MACF1: variants seen among roughly 807,000 people sequenced by gnomAD.
MACF1 encodes the protein microtubule-actin cross-linking factor 1.
MACF1 carries 193 observed loss-of-function variants against 854.8 expected under a neutral mutation model. The observed-to-expected ratio is 0.23, with a 90% CI of 0.20 to 0.25. The LOEUF (loss-of-function observed/expected upper bound fraction) is 0.25. Ranked by LOEUF, MACF1 falls within the 10% of genes least tolerant of loss-of-function variation. The probability of loss-of-function intolerance (pLI) is 1.00; values close to 1 mark genes in which losing one functional copy is unlikely to be tolerated. For missense variants in MACF1, 7,722 were observed against 8,929.1 expected, an observed-to-expected ratio of 0.86 and a Z score of 5.45; for synonymous variants, 3,185 against 3,226.7, an observed-to-expected ratio of 0.99 and a Z score of 0.44.
chr1:39,438,034 A>T (rs753143753), intron 71 of MACF1, 26 bp downstream of exon 71: 1 of 1,591,120 alleles, frequency 6.3e-7, no homozygotes, highest in Non-Finnish European at 8.6e-7. Flanking sequence ...CATTATTTTT[A>T]AAAATCAACA....
Position 39,331,815 on chromosome 1 carries a change from G to T in MACF1, c.5227G>T (p.Gly1743Cys). The T allele has an allele frequency of 6.2e-7, 1 of 1,614,140 alleles. No homozygotes were observed. The highest frequency in any genetic ancestry group is 8.5e-7 in the Non-Finnish European group (1 of 1,180,026). ...LAGGMVSLKS[G>C]RKVSIFRAVQ... Reference sequence around the variant, plus strand: ...AGGGGGGATGGTGAGCTTGAAATCAGGCCGGAAGGTTAGCATTTTCCGTGC... The same window carrying T: ...AGGGGGGATGGTGAGCTTGAAATCATGCCGGAAGGTTAGCATTTTCCGTGC... The change falls in exon 37 of 101, where the codon GGC (glycine) becomes TGC (cysteine). Residue 1743 changes from glycine (G) to cysteine (C), a missense_variant. By Grantham distance (159) the Gly-to-Cys change is radical. Transcript: ENST00000564288.
At chr1:39,197,162 T>G (rs1644330196) in intron 2 of MACF1, among the ~76,000 whole-genome samples, 1 of 151,980 alleles carries the variant, frequency 6.6e-6, no homozygotes. Flanking sequence ...AGTGAAAAAA[T>G]TATTTTATTT....
intron 97 of MACF1, among the ~76,000 whole-genome samples, chr1:39,477,213 T>A (rs898476872): frequency 6.7e-6 from 1 of 148,520 alleles, no homozygotes; most frequent in Non-Finnish European, 1.5e-5. Flanking sequence ...GTTGTGAGAT[T>A]AAGCGACTTT....
intron 49 of MACF1, among the ~76,000 whole-genome samples, chr1:39,363,606 T>TTCTTTC (rs1231203854): frequency 7.1e-6 from 1 of 140,474 alleles, no homozygotes. Context: ...CTTTCTTTCT[T>TTCTTTC]TTTTTTTTTT....
At chr1:39,186,170 A>ATCTCTCTCTCTCTCTCTCTC (rs55658204) in intron 2 of MACF1, among the ~76,000 whole-genome samples, 41 of 109,958 alleles carry the variant, frequency 3.7e-4, no homozygotes, top group Admixed American at 1.1e-3. Flanking sequence ...GATTCTGAAC[A>ATCTCTCTCTCTCTCTCTCTC]TCTCTCTCTC....
intron 2 of MACF1, among the ~76,000 whole-genome samples, chr1:39,181,571 G>A (rs1363353908): frequency 6.6e-6 from 1 of 151,958 alleles, no homozygotes; most frequent in Non-Finnish European, 1.5e-5. Flanking sequence ...TGAAATTCAT[G>A]TGAAAATGCA....
At chr1:39,429,367 A>C in intron 64 of MACF1, 41 bp downstream of exon 64, 7 of 1,126,856 alleles carry the variant, frequency 6.2e-6, no homozygotes, top group East Asian at 2.4e-5. Flanking sequence ...CTATGGTCTC[A>C]AAGACAATTA....
intron 43 of MACF1, among the ~76,000 whole-genome samples, 167 bp from the exon 44 acceptor site, chr1:39,352,840 A>T (rs1308023286): frequency 6.6e-6 from 1 of 152,058 alleles, no homozygotes; most frequent in Admixed American, 6.6e-5. Flanking sequence ...TAATTTTTCA[A>T]AAGATTTTAA....
At position 39,233,808 on chromosome 1, in the gene MACF1, T is replaced by TTTTTTTTTTTTTTTTTTTTTA. The variant is rs755591226; in HGVS notation, c.171+2565_171+2566insTTTTTTTTTTTTTTTTTTTTA. 6.1e-5 allele frequency among the ~76,000 whole-genome samples: 4 copies of TTTTTTTTTTTTTTTTTTTTTA among 65,854 alleles called. 2 individuals are homozygous for TTTTTTTTTTTTTTTTTTTTTA. The highest frequency in any genetic ancestry group is 1.3e-4 in the Non-Finnish European group (4 of 30,150). 43.2% of individuals were successfully genotyped at this position (65,854 alleles called of 152,430 possible). A position where few individuals can be genotyped will look rare whatever the true frequency, so the allele number is the denominator to read the frequency against. On this transcript the variant is annotated intron_variant, in intron 2 of 100. Transcript: ENST00000564288. ...TTTTTTTTTTTTTTTATTTATTTTT[T>TTTTTTTTTTTTTTTTTTTTTA]ATTGATAATTCTTGGGTGTTTCTCA...
In MACF1 at chr1:39,333,299, G is replaced by C; in HGVS notation, c.6711G>C (p.Lys2237Asn). The change falls in exon 37 of 101, where the codon AAG becomes AAC. Residue 2237 changes from lysine (K) to asparagine (N), a missense_variant. Physicochemically the swap from Lys to Asn is moderately conservative, Grantham distance 94 (BLOSUM62 0). Around this residue, in one of 15 missense-constraint regions of MACF1, gnomAD observed 1,531 missense variants for 1,601.6 expected, o/e 0.96. Coordinates refer to ENST00000564288, the MANE Select transcript of MACF1 (RefSeq NM_001394062.1). Reference sequence around the variant, plus strand: ...TGTTAAAGAAAACATTTCTGGCTAAGGATGACCATAAAGAAAGTCAAGAAG... The same window carrying C: ...TGTTAAAGAAAACATTTCTGGCTAACGATGACCATAAAGAAAGTCAAGAAG... ...KEMLKKTFLA[K>N]DDHKESQEAQ... 6.2e-7 allele frequency: 1 copy of C among 1,614,108 alleles called. No individual in the cohort carries two copies. The highest frequency in any genetic ancestry group is 8.5e-7 in the Non-Finnish European group (1 of 1,180,034).
At chr1:39,158,117 G>T (rs779452974) in intron 2 of MACF1, among the ~76,000 whole-genome samples, 1 of 152,148 alleles carries the variant, frequency 6.6e-6, no homozygotes, top group Non-Finnish European at 1.5e-5. Context: ...TATTGGGATG[G>T]TCATCTTTTT....
Position 39,442,176 on chromosome 1 carries a change from A to G in MACF1, c.18804A>G (p.Gln6268=), listed in dbSNP as rs751072115. The change falls in exon 76 of 101, where the codon CAA becomes CAG. Residue 6268 remains glutamine, a synonymous_variant. Coordinates refer to ENST00000564288, the MANE Select transcript of MACF1 (RefSeq NM_001394062.1). ...TCAAAGTAGAAGTTTACCAACAGCAAATTGAGATGGAGAAGCTTAATCACC... is the reference window on the plus strand; with the variant it reads ...TCAAAGTAGAAGTTTACCAACAGCAGATTGAGATGGAGAAGCTTAATCACC... The part of the protein sequence containing the change: ...KEFKVEVYQQ[Q]IEMEKLNHQG... 1 of 1,596,482 alleles carries G rather than the reference A, an allele frequency of 6.3e-7. No individual in the cohort carries two copies. Among genetic ancestry groups the G allele is most frequent in the Non-Finnish European group, 8.5e-7 (1 of 1,173,918 alleles).
chr1:39,309,217 G>A (rs1456022556), intron 23 of MACF1, among the ~76,000 whole-genome samples: 1 of 151,472 alleles, frequency 6.6e-6, no homozygotes, highest in Non-Finnish European at 1.5e-5. Flanking sequence ...GCATAATGCT[G>A]TAGCAAATCC....
Position 39,409,916 on chromosome 1 carries a change from GA to G in MACF1, c.15817-12456del. Reference sequence around the variant, plus strand: ...ACTCTGCTTCGGTGAGAAGTGAGTGGAACTAGATATCGAAAAAGACTCGTCA... The same window carrying G: ...ACTCTGCTTCGGTGAGAAGTGAGTGGACTAGATATCGAAAAAGACTCGTCA... On this transcript the variant is annotated intron_variant, in intron 58 of 100. Coordinates refer to ENST00000564288, the MANE Select transcript of MACF1 (RefSeq NM_001394062.1). This position sits in a 1 kb window ranked among gnomAD's most constrained non-coding sequence, Gnocchi z 4.2. 1 of 199,148 alleles carries G rather than the reference GA, an allele frequency of 5.0e-6. No homozygotes were observed. Among genetic ancestry groups the G allele is most frequent in the Non-Finnish European group, 1.0e-5 (1 of 99,202 alleles). 12.3% of individuals were successfully genotyped at this position (199,148 alleles called of 1,614,324 possible).
chr1:39,358,041 A>C (rs1647742171), intron 45 of MACF1, 148 bp downstream of exon 45: 1 of 832,774 alleles, frequency 1.2e-6, no homozygotes, highest in Non-Finnish European at 1.8e-6. Flanking sequence ...GTCTTCACAA[A>C]CAATGCACAA....
intron 6 of MACF1, among the ~76,000 whole-genome samples, chr1:39,262,885 A>G (rs868065272): frequency 1.3e-5 from 2 of 152,068 alleles, no homozygotes; most frequent in African/African-American, 2.4e-5. Context: ...GTATTTGCCT[A>G]TACTAGCTAA....
At chr1:39,195,895 A>G (rs1644313248) in intron 2 of MACF1, among the ~76,000 whole-genome samples, 1 of 152,164 alleles carries the variant, frequency 6.6e-6, no homozygotes, top group Admixed American at 6.6e-5. Context: ...CTGAGATTAG[A>G]CAGATTAGGT....
At position 39,336,177 on chromosome 1, in the gene MACF1, A is replaced by G; in HGVS notation, c.9589A>G (p.Lys3197Glu). Residue 3197 changes from lysine (K) to glutamate (E), a missense_variant, in exon 37 of 101, where the codon AAA becomes GAA. Physicochemically the swap from Lys to Glu is moderately conservative, Grantham distance 56. Transcript: ENST00000564288. ...EEITVSRPDS[K>E]EVRYLEFSDR... ...AATCACAGTTTCTAGACCAGATTCA[A>G]AAGAAGTCAGGTATCTAGAATTCTC... The G allele has an allele frequency of 6.2e-7, 1 of 1,614,188 alleles. No individual in the cohort carries two copies. Among genetic ancestry groups the G allele is most frequent in the African/African-American group, 1.3e-5 (1 of 75,054 alleles).
Position 39,347,138 on chromosome 1 carries a change from G to T in MACF1, c.10743G>T (p.Leu3581Phe). 3 of 1,614,144 alleles carry T rather than the reference G, an allele frequency of 1.9e-6. No individual in the cohort carries two copies. Among genetic ancestry groups the T allele is most frequent in the Non-Finnish European group, 2.5e-6 (3 of 1,180,036 alleles). The change falls in exon 41 of 101, where the codon TTG becomes TTT. Residue 3581 changes from leucine (L) to phenylalanine (F), a missense_variant. By Grantham distance (22) the Leu-to-Phe change is conservative. Around this residue, in one of 15 missense-constraint regions of MACF1, gnomAD observed 854 missense variants for 852.6 expected, o/e 1.00. Coordinates refer to ENST00000564288, the MANE Select transcript of MACF1 (RefSeq NM_001394062.1). ...NELQRSFQDILEQTAAQVDAL... is the reference protein window; with the variant it reads ...NELQRSFQDIFEQTAAQVDAL... ...TGCAGAGGTCCTTCCAGGACATTTT[G>T]GAACAGACTGCCGCTCAGGTGGATG...
Sources: allele counts gnomAD v4.1 joint callset (sites outside exome capture counted in the v4.1 genomes callset), GRCh38; gene constraint gnomAD v4.1.1; regional missense constraint gnomAD v4.1.1; non-coding constraint Gnocchi (gnomAD v3.1); transcripts MANE v1.5; gene names NCBI Gene and HGNC (gene_info 2026-07-23, HGNC 2026-07-21).